Variants in VWDE observed in about 807,000 individuals in gnomAD.
VWDE encodes the protein von Willebrand factor D and EGF domain-containing protein.
A neutral mutation model predicts 178.4 loss-of-function variants in VWDE; 207 were observed. The observed-to-expected ratio is 1.16, with a 90% CI of 1.04 to 1.30. The LOEUF (loss-of-function observed/expected upper bound fraction) is 1.30, where lower values mean the gene tolerates loss of function less well. Among genes scored for constraint, VWDE ranks in the 50% most tolerant of loss-of-function variants. The pLI is 0.00. For synonymous variants in VWDE, 738 were observed against 651.4 expected (o/e 1.13, Z -2.02); for missense variants, 2,287 against 1,901.3 (o/e 1.20, Z -3.77).
At chr7:12,341,504 C>T (rs763050943) in intron 23 of VWDE, among the ~76,000 whole-genome samples, 7 of 151,940 alleles carry the variant, frequency 4.6e-5, no homozygotes, top group African/African-American at 7.3e-5. Flanking sequence ...TGGTGGCATG[C>T]TCCTGTAATC....
intron 2 of VWDE, among the ~76,000 whole-genome samples, chr7:12,390,410 A>G (rs1173391312): frequency 6.6e-6 from 1 of 151,988 alleles, no homozygotes; most frequent in Non-Finnish European, 1.5e-5. Context: ...TGAGGTATAG[A>G]TAAAGTAATG....
chr7:12,336,615 G>T (rs117683026), intron 26 of VWDE, among the ~76,000 whole-genome samples: 385 of 152,280 alleles, frequency 2.5e-3, no homozygotes, highest in Non-Finnish European at 4.7e-3. Context: ...GAGCTAACCA[G>T]CCTGAGTGGC....
chr7:12,388,123 C>T (rs1016598768), intron 3 of VWDE, among the ~76,000 whole-genome samples: 2 of 151,986 alleles, frequency 1.3e-5, no homozygotes, highest in African/African-American at 4.8e-5. Flanking sequence ...TTTATTCTTT[C>T]CTGGTTTTTC....
intron 13 of VWDE, among the ~76,000 whole-genome samples, chr7:12,361,826 T>A (rs916105740): frequency 6.6e-6 from 1 of 152,004 alleles, no homozygotes; most frequent in East Asian, 1.9e-4. Context: ...CAAAACACAC[T>A]TGACTATATA....
chr7:12,399,055 G>C (rs904563327), intron 1 of VWDE, among the ~76,000 whole-genome samples: 1 of 151,894 alleles, frequency 6.6e-6, no homozygotes, highest in Non-Finnish European at 1.5e-5. Context: ...AATAAAAGTT[G>C]AGATTTTTTT....
intron 15 of VWDE, 70 bp downstream of exon 15, chr7:12,361,077 A>T (rs1583303924): frequency 2.1e-6 from 2 of 934,668 alleles, no homozygotes; most frequent in East Asian, 5.6e-5. Flanking sequence ...ACTACAATTA[A>T]TGTGCCCACA....
intron 19 of VWDE, among the ~76,000 whole-genome samples, chr7:12,347,737 T>C (rs1781685381): frequency 6.6e-6 from 1 of 151,966 alleles, no homozygotes; most frequent in African/African-American, 2.4e-5. Context: ...AAAGTTCATA[T>C]GGAACCAAAA....
At chr7:12,387,673 G>C (rs1784170913) in intron 3 of VWDE, among the ~76,000 whole-genome samples, 1 of 151,908 alleles carries the variant, frequency 6.6e-6, no homozygotes. Context: ...TTACTTGTTT[G>C]CTATAATTGT....
At chr7:12,336,624 G>A (rs1317150339) in intron 26 of VWDE, among the ~76,000 whole-genome samples, 1 of 152,152 alleles carries the variant, frequency 6.6e-6, no homozygotes, top group African/African-American at 2.4e-5. Context: ...AGCCTGAGTG[G>A]CACTGTTATC....
intron 13 of VWDE, among the ~76,000 whole-genome samples, chr7:12,364,883 C>T (rs1195288062): frequency 2.0e-5 from 3 of 151,972 alleles, no homozygotes; most frequent in Admixed American, 2.0e-4. Flanking sequence ...TGGCAAAAAC[C>T]CCTTAAGTAA....
chr7:12,337,340 C>T, intron 24 of VWDE, 68 bp from the exon 25 acceptor site: 1 of 1,301,614 alleles, frequency 7.7e-7, no homozygotes, highest in Middle Eastern at 1.8e-4. Context: ...TACATTGCAT[C>T]ATGTGCTTGT....
At chr7:12,338,214 A>G (rs116237508) in intron 24 of VWDE, among the ~76,000 whole-genome samples, 2,832 of 152,092 alleles carry the variant, frequency 0.019, 82 homozygotes, top group African/African-American at 0.064. Flanking sequence ...TTATAGTAAT[A>G]ATATAACTGA....
chr7:12,383,636 T>A, intron 3 of VWDE, 35 bp from the exon 4 acceptor site: 1 of 1,528,642 alleles, frequency 6.5e-7, no homozygotes, highest in East Asian at 2.5e-5. Context: ...ATTATTCAGC[T>A]GGGCATGAAG....
intron 12 of VWDE, 58 bp from the exon 13 acceptor site, chr7:12,367,551 C>A (rs555119776): frequency 1.6e-6 from 2 of 1,262,356 alleles, no homozygotes; most frequent in Admixed American, 3.2e-5. Context: ...GAAAAAAAAA[C>A]TAATTATTTC....
At chr7:12,382,572 T>C (rs1783905898) in intron 4 of VWDE, among the ~76,000 whole-genome samples, 1 of 151,962 alleles carries the variant, frequency 6.6e-6, no homozygotes, top group Non-Finnish European at 1.5e-5. Context: ...TAATCATTTC[T>C]AGGCCTGATA....
At position 12,369,924 on chromosome 7, in the gene VWDE, A is replaced by G. The variant is rs1416067183; in HGVS notation, c.2382T>C (p.Ser794=). ...AEDVQQEFFP[S]WPTPSGLTEY... ...CGGTGAGGCCAGAGGGAGTGGGCCA[A>G]GAGGGGAAAAACTCTTGCTGTACAT... The change falls in exon 12 of 29, where the codon TCT becomes TCC. Residue 794 remains serine, a synonymous_variant. Coordinates refer to ENST00000275358, the MANE Select transcript of VWDE (RefSeq NM_001135924.3). 6.4e-7 allele frequency: 1 copy of G among 1,551,358 alleles called. No homozygotes were observed. The highest frequency in any genetic ancestry group is 8.7e-7 in the Non-Finnish European group (1 of 1,146,882).
Position 12,357,322 on chromosome 7 carries a change from T to C in VWDE, c.3468A>G (p.Gln1156=), listed in dbSNP as rs1255405940. 9 of 1,552,156 alleles carry C rather than the reference T, an allele frequency of 5.8e-6. No homozygotes were observed. The South Asian group carries it at 8.3e-5, about 14-fold the overall frequency. The part of the protein sequence containing the change: ...FMWKTDLLTT[Q]QITVRLNDDC... ...CATCATTAAGGCGTACAGTAATTTG[T>C]TGGGTAGTTAGTAAATCTGTTTTCC... The change falls in exon 17 of 29, where the codon CAA becomes CAG. Residue 1156 remains glutamine, a synonymous_variant. Transcript: ENST00000275358.
chr7:12,361,647 A>G, intron 13 of VWDE, 126 bp from the exon 14 acceptor site: 1 of 857,252 alleles, frequency 1.2e-6, no homozygotes, highest in East Asian at 3.0e-5. Context: ...TATAACAGGG[A>G]AACAAAAGTC....
At chr7:12,362,867 T>G (rs199618400) in intron 13 of VWDE, among the ~76,000 whole-genome samples, 155 of 151,396 alleles carry the variant, frequency 1.0e-3, no homozygotes, top group African/African-American at 3.7e-3. Context: ...TTTCTCAGAG[T>G]AGTCATGATA....
Sources: allele counts gnomAD v4.1 joint callset (sites outside exome capture counted in the v4.1 genomes callset), GRCh38; gene constraint gnomAD v4.1.1; transcripts MANE v1.5; gene names NCBI Gene and HGNC (gene_info 2026-07-23, HGNC 2026-07-21).